The following HSP90AA1 variants were observed in gnomAD, a reference collection of about 807,000 sequenced individuals.
HSP90AA1 encodes heat shock protein 90 alpha family class A member 1.
In HSP90AA1, 18 loss-of-function variants were observed where a neutral mutation model predicts 73.3. The observed-to-expected ratio is 0.25, with a 90% CI of 0.17 to 0.36. HSP90AA1 has a LOEUF of 0.36. Ranked by LOEUF, HSP90AA1 falls within the 10% of genes least tolerant of loss-of-function variation. HSP90AA1 has a pLI of 1.00. For synonymous variants in HSP90AA1, 477 were observed against 296.9 expected (o/e 1.61, Z -6.24); for missense variants, 704 against 874.2 (o/e 0.81, Z 2.45).
intron 1 of HSP90AA1, among the ~76,000 whole-genome samples, chr14:102,127,739 C>T (rs930452862): frequency 6.6e-6 from 1 of 152,200 alleles, no homozygotes; most frequent in African/African-American, 2.4e-5. Context: ...GCAGCCTCAA[C>T]TTTCTGGGCT....
chr14:102,100,916 C>A (rs2049484486), intron 2 of HSP90AA1, among the ~76,000 whole-genome samples: 2 of 152,200 alleles, frequency 1.3e-5, no homozygotes, highest in African/African-American at 4.8e-5. Context: ...CGTATAAACT[C>A]TGACATGGCG....
intron 1 of HSP90AA1, among the ~76,000 whole-genome samples, chr14:102,119,913 A>T (rs1218049318): frequency 7.2e-5 from 11 of 152,208 alleles, no homozygotes; most frequent in Admixed American, 7.2e-4. Flanking sequence ...ATGCATATAC[A>T]TTTGGGTTGG....
At chr14:102,109,963 C>T (rs1410258577) in intron 1 of HSP90AA1, among the ~76,000 whole-genome samples, 1 of 152,034 alleles carries the variant, frequency 6.6e-6, no homozygotes, top group Admixed American at 6.6e-5. Flanking sequence ...AGATGGAGTC[C>T]TGCTCTATCA....
exon 1 of HSP90AA1, chr14:102,139,565 C>G (rs764342479): frequency 5.2e-6 from 4 of 775,652 alleles, no homozygotes; most frequent in Non-Finnish European, 8.0e-6. Flanking sequence ...ACACCAGCCC[C>G]GCCGCGGTTC....
intron 10 of HSP90AA1, 93 bp from the exon 11 acceptor site, chr14:102,081,914 AT>A (rs1380386415): frequency 8.7e-6 from 7 of 802,766 alleles, no homozygotes; most frequent in African/African-American, 1.7e-5. Flanking sequence ...TCAAGACAGT[AT>A]TACAGGACAT....
chr14:102,122,392 T>C (rs1241769773), intron 1 of HSP90AA1, among the ~76,000 whole-genome samples: 1 of 151,310 alleles, frequency 6.6e-6, no homozygotes, highest in Non-Finnish European at 1.5e-5. Context: ...AACATTCTCC[T>C]ACCTCAGCCT....
At chr14:102,082,985 G>A (rs1448204391) in intron 9 of HSP90AA1, 49 bp downstream of exon 9, 1 of 1,577,994 alleles carries the variant, frequency 6.3e-7, no homozygotes, top group African/African-American at 1.3e-5. Flanking sequence ...GACTAAGCTT[G>A]AAAGCACCTT....
Position 102,081,473 on chromosome 14 carries a change from G to C in HSP90AA1, c.*239C>G. The C allele has an allele frequency of 1.7e-6, 1 of 577,466 alleles. No individual in the cohort carries two copies. The highest frequency in any genetic ancestry group is 3.1e-6 in the Non-Finnish European group (1 of 324,230). The allele number at this position is 577,466 out of a possible 1,614,324, so 35.8% of individuals were successfully genotyped here. ...ATGTTACATACGTCTTACAGTGCAC[G>C]TTACCCCAATCTGTGAAAATAAACC... On this transcript the variant is annotated 3_prime_UTR_variant, in exon 11 of 11. Transcript: ENST00000216281.
At chr14:102,093,885 A>T (rs1024895817) in intron 2 of HSP90AA1, among the ~76,000 whole-genome samples, 7 of 152,076 alleles carry the variant, frequency 4.6e-5, no homozygotes, top group African/African-American at 1.7e-4. Flanking sequence ...GAGGCAGGAG[A>T]ATCACTTGAA....
chr14:102,081,364 G>A lies in HSP90AA1; in HGVS notation c.*348C>T, dbSNP rs1256870615. On this transcript the variant is annotated 3_prime_UTR_variant, in exon 11 of 11. Transcript: ENST00000216281. Reference sequence around the variant, plus strand: ...ATACTTTTCTAAACATCAAGATACAGCTCAGAACACTTCAATAACAAGATT... The same window carrying A: ...ATACTTTTCTAAACATCAAGATACAACTCAGAACACTTCAATAACAAGATT... 7.1e-6 allele frequency: 3 copies of A among 424,028 alleles called. No homozygotes were observed. Among genetic ancestry groups the A allele is most frequent in the African/African-American group, 3.9e-5 (2 of 50,926 alleles). The allele number at this position is 424,028 out of a possible 1,614,324, so 26.3% of individuals were successfully genotyped here.
At chr14:102,126,669 C>A (rs2049843301) in intron 1 of HSP90AA1, among the ~76,000 whole-genome samples, 1 of 152,076 alleles carries the variant, frequency 6.6e-6, no homozygotes, top group African/African-American at 2.4e-5. Context: ...AGACTACAGG[C>A]GCCCGCCACC....
At chr14:102,103,666 T>C (rs371439949) in intron 1 of HSP90AA1, among the ~76,000 whole-genome samples, 9 of 152,114 alleles carry the variant, frequency 5.9e-5, no homozygotes, top group East Asian at 5.8e-4. Context: ...TAGCCGGGTA[T>C]GGCAGTAGAT....
At chr14:102,082,668 T>C (rs1018059528) in intron 9 of HSP90AA1, 2 of 561,478 alleles carry the variant, frequency 3.6e-6, no homozygotes, top group Admixed American at 3.0e-5. Context: ...TCACCCAGGC[T>C]GGAGTGCAGT....
intron 1 of HSP90AA1, among the ~76,000 whole-genome samples, chr14:102,134,375 G>A (rs1426070709): frequency 2.0e-5 from 3 of 151,010 alleles, no homozygotes; most frequent in South Asian, 2.1e-4. Flanking sequence ...AGACTGGAAT[G>A]GAGAATTTAT....
chr14:102,085,088 C>G (rs1422930456), intron 4 of HSP90AA1, 90 bp from the exon 5 acceptor site: 2 of 1,598,724 alleles, frequency 1.3e-6, no homozygotes, highest in African/African-American at 2.7e-5. Flanking sequence ...AGGCCCAAGT[C>G]TAAATTAGCC....
chr14:102,081,794 T>C lies in HSP90AA1; in HGVS notation c.2117A>G (p.Asp706Gly), dbSNP rs2049105524. The change falls in exon 11 of 11, where the codon GAT (aspartate) becomes GGT (glycine). Residue 706 changes from aspartate to glycine, a missense_variant. Physicochemically the swap from Asp to Gly is moderately conservative, Grantham distance 94 (BLOSUM62 -1). Coordinates refer to ENST00000216281, the MANE Select transcript of HSP90AA1 (RefSeq NM_005348.4). ...TTCAGTTACAGCAGCACTGGTATCA[T>C]CAGCAGTAGGGTCATCTTCATCAAT... ...LGIDEDDPTADDTSAAVTEEM... is the reference protein window; with the variant it reads ...LGIDEDDPTAGDTSAAVTEEM... 4 of 1,571,164 alleles carry C rather than the reference T, an allele frequency of 2.5e-6. No individual in the cohort carries two copies. The highest frequency in any genetic ancestry group is 3.5e-6 in the Non-Finnish European group (4 of 1,140,798).
At position 102,119,782 on chromosome 14, in the gene HSP90AA1, C is replaced by T. The variant is rs141714580; in HGVS notation, c.156-17697G>A. ...GATTACAGGTGTGAGCCACCACACC[C>T]GGCCGTTTTCCTCTTCTTTATGCAT... On this transcript the variant is annotated intron_variant, in intron 1 of 11. Transcript: ENST00000334701. Among the ~76,000 whole-genome samples, 70 of 152,242 alleles carry T rather than the reference C, an allele frequency of 4.6e-4. No individual in the cohort carries two copies. The East Asian group carries it at 7.9e-3, about 17-fold the overall frequency.
intron 1 of HSP90AA1, among the ~76,000 whole-genome samples, chr14:102,106,166 T>C (rs185828745): frequency 6.6e-5 from 10 of 152,272 alleles, no homozygotes; most frequent in Admixed American, 3.3e-4. Flanking sequence ...TACGTTTACA[T>C]TGTGTATTGG....
chr14:102,132,524 G>C (rs1015005450), intron 1 of HSP90AA1, among the ~76,000 whole-genome samples: 1 of 152,000 alleles, frequency 6.6e-6, no homozygotes, highest in Non-Finnish European at 1.5e-5. Context: ...TTCCAGACCA[G>C]GCAACATAGT....
Sources: allele counts gnomAD v4.1 joint callset (sites outside exome capture counted in the v4.1 genomes callset), GRCh38; gene constraint gnomAD v4.1.1; transcripts MANE v1.5; gene names NCBI Gene and HGNC (gene_info 2026-07-23, HGNC 2026-07-21).